The following SGCZ variants were observed in gnomAD, a reference collection of about 807,000 sequenced individuals.
SGCZ encodes zeta-sarcoglycan.
In SGCZ, 40 loss-of-function variants were observed where a neutral mutation model predicts 41.3. The ratio of observed to expected loss-of-function variants is 0.97; its 90% CI spans 0.75 to 1.26. The LOEUF is 1.26. SGCZ is among the 50% of genes most tolerant of loss of function. The probability of loss-of-function intolerance (pLI) is 0.00; values close to 1 mark genes in which losing one functional copy is unlikely to be tolerated. For missense variants in SGCZ, 552 were observed against 369.8 expected (o/e 1.49, Z -4.04); for synonymous variants, 206 against 137.5 (o/e 1.50, Z -3.49).
intron 2 of SGCZ, among the ~76,000 whole-genome samples, chr8:14,446,733 T>G (rs1229927803): frequency 6.6e-6 from 1 of 152,172 alleles, no homozygotes; most frequent in African/African-American, 2.4e-5. Flanking sequence ...TGCATTGTGC[T>G]GATTCAGACT....
intron 1 of SGCZ, among the ~76,000 whole-genome samples, chr8:15,033,196 G>C (rs1047670793): frequency 3.9e-5 from 6 of 151,910 alleles, no homozygotes; most frequent in African/African-American, 1.5e-4. Flanking sequence ...GTTTCAGGCA[G>C]GCCCCTGTGG....
At chr8:14,711,225 A>G (rs1809503960) in intron 1 of SGCZ, among the ~76,000 whole-genome samples, 1 of 152,148 alleles carries the variant, frequency 6.6e-6, no homozygotes, top group Non-Finnish European at 1.5e-5. Flanking sequence ...CAATTTGTGA[A>G]AGTTATTTTT....
intron 1 of SGCZ, among the ~76,000 whole-genome samples, chr8:14,840,655 T>G (rs1047443258): frequency 6.6e-6 from 1 of 152,142 alleles, no homozygotes; most frequent in African/African-American, 2.4e-5. Flanking sequence ...AACTTAGAAG[T>G]AGAGCATGAA....
chr8:15,138,424 G>C (rs1358558493), intron 1 of SGCZ, among the ~76,000 whole-genome samples: 1 of 152,034 alleles, frequency 6.6e-6, no homozygotes, highest in African/African-American at 2.4e-5. Flanking sequence ...GATTTTAAAG[G>C]GGCCAAGGGC....
chr8:15,018,318 G>A (rs549457571), intron 1 of SGCZ, among the ~76,000 whole-genome samples: 84 of 152,236 alleles, frequency 5.5e-4, no homozygotes, highest in Non-Finnish European at 2.2e-4. Flanking sequence ...GGTGGGAAGA[G>A]ATAAAATAAG....
intron 1 of SGCZ, among the ~76,000 whole-genome samples, chr8:15,111,813 C>T (rs1245561521): frequency 6.6e-6 from 1 of 151,544 alleles, no homozygotes; most frequent in Non-Finnish European, 1.5e-5. Flanking sequence ...GGCAGAAGAA[C>T]TGCTTGAACC....
chr8:14,688,236 T>G (rs1808681520), intron 1 of SGCZ, among the ~76,000 whole-genome samples: 1 of 152,194 alleles, frequency 6.6e-6, no homozygotes, highest in Non-Finnish European at 1.5e-5. Flanking sequence ...TTGTTGCCAT[T>G]GCTTTTGGTG....
At chr8:14,153,595 C>T (rs968186797) in intron 5 of SGCZ, among the ~76,000 whole-genome samples, 47 of 152,052 alleles carry the variant, frequency 3.1e-4, no homozygotes, top group South Asian at 2.1e-4. Flanking sequence ...CCACAAAAGG[C>T]CTGTGTTTCA....
At chr8:14,140,535 CAGAG>C (rs1421909574) in intron 5 of SGCZ, among the ~76,000 whole-genome samples, 4 of 152,124 alleles carry the variant, frequency 2.6e-5, no homozygotes, top group Admixed American at 2.0e-4. Flanking sequence ...AACAGACAAA[CAGAG>C]AGCAAAATAG....
chr8:14,651,335 T>A lies in SGCZ; in HGVS notation c.40-96409A>T, dbSNP rs192033060. On this transcript the variant is annotated intron_variant, in intron 1 of 7. Transcript: ENST00000382080. ...ATTATTTCCTTATTATTTAGAAGCATTTCAAATCATATTTTACTGTTGGCA... is the reference window on the plus strand; with the variant it reads ...ATTATTTCCTTATTATTTAGAAGCAATTCAAATCATATTTTACTGTTGGCA... Among the ~76,000 whole-genome samples the A allele has an allele frequency of 1.3e-5, 2 of 152,238 alleles. 1 individual carries two copies. Among genetic ancestry groups the A allele is most frequent in the Admixed American group, 1.3e-4 (2 of 15,264 alleles).
At chr8:14,637,408 T>C (rs1198035489) in intron 1 of SGCZ, among the ~76,000 whole-genome samples, 1 of 151,604 alleles carries the variant, frequency 6.6e-6, no homozygotes, top group Admixed American at 6.6e-5. Context: ...GGAGCATGGA[T>C]CCCATCACTC....
chr8:14,547,260 G>C (rs912323473), intron 2 of SGCZ, among the ~76,000 whole-genome samples: 3 of 152,106 alleles, frequency 2.0e-5, no homozygotes, highest in African/African-American at 7.2e-5. Flanking sequence ...CATTTTTCAA[G>C]ATGTTTCAAA....
chr8:15,232,711 ATATG>A (rs1801986102), intron 1 of SGCZ, among the ~76,000 whole-genome samples: 1 of 147,222 alleles, frequency 6.8e-6, no homozygotes, highest in African/African-American at 2.5e-5. Context: ...ATATACATAT[ATATG>A]TGTGTATATA....
chr8:14,373,576 CA>C (rs1803990793), intron 2 of SGCZ, among the ~76,000 whole-genome samples: 1 of 152,026 alleles, frequency 6.6e-6, no homozygotes, highest in Admixed American at 6.6e-5. Context: ...AGAAATTAAA[CA>C]AAGTATAGTA....
chr8:14,702,157 C>T (rs1031813637), intron 1 of SGCZ, among the ~76,000 whole-genome samples: 1 of 151,930 alleles, frequency 6.6e-6, no homozygotes, highest in Non-Finnish European at 1.5e-5. Context: ...TTGCCCACCC[C>T]GCTGGAAGTA....
chr8:14,244,101 C>A (rs942868199), intron 3 of SGCZ, among the ~76,000 whole-genome samples: 2 of 152,050 alleles, frequency 1.3e-5, no homozygotes, highest in Admixed American at 6.6e-5. Flanking sequence ...GTGTTCAGAT[C>A]ACACCAAATT....
intron 1 of SGCZ, among the ~76,000 whole-genome samples, chr8:15,226,448 T>C (rs551910769): frequency 3.8e-4 from 58 of 152,304 alleles, no homozygotes; most frequent in African/African-American, 1.3e-3. Context: ...TGTGGTTCTT[T>C]TTTCACCAAA....
rs150915803 is a variant in SGCZ at position 14,381,100 on chromosome 8, A to T, written c.235-56896T>A. 5.1e-4 allele frequency among the ~76,000 whole-genome samples: 77 copies of T among 152,256 alleles called. 2 individuals are homozygous for T. Among genetic ancestry groups the T allele is most frequent in the Admixed American group, 3.2e-3 (49 of 15,286 alleles). Reference sequence around the variant, plus strand: ...ATAATTAGCAAAAGTAGTAAAAAAAAAATACCTTTGTAAAATTTGATAAAA... The same window carrying T: ...ATAATTAGCAAAAGTAGTAAAAAAATAATACCTTTGTAAAATTTGATAAAA... On this transcript the variant is annotated intron_variant, in intron 2 of 7. Coordinates refer to ENST00000382080, the MANE Select transcript of SGCZ (RefSeq NM_139167.4).
chr8:15,161,864 A>G (rs936094515), intron 1 of SGCZ, among the ~76,000 whole-genome samples: 2 of 152,058 alleles, frequency 1.3e-5, no homozygotes, highest in African/African-American at 4.8e-5. Context: ...ACGAAACCCC[A>G]TATCTATAAA....
Sources: gnomAD v4.1 joint callset for allele counts (sites outside exome capture counted in the v4.1 genomes callset) on GRCh38, gnomAD v4.1.1 for gene constraint, MANE v1.5 for transcripts, NCBI Gene and HGNC (gene_info 2026-07-23, HGNC 2026-07-21) for gene names.